COL19A1: variants seen among roughly 807,000 people sequenced by gnomAD.
COL19A1 encodes the protein collagen type XIX alpha 1 chain.
COL19A1 carries 159 observed loss-of-function variants against 190.2 expected under a neutral mutation model. The ratio of observed to expected loss-of-function variants is 0.84; its 90% CI spans 0.73 to 0.95. The LOEUF is 0.95. Ranked by LOEUF, COL19A1 falls within the 40% of genes least tolerant of loss-of-function variation. The pLI is 0.00. For synonymous variants in COL19A1, 509 were observed against 458.9 expected (o/e 1.11, Z -1.39); for missense variants, 1,418 against 1,431.9 (o/e 0.99, Z 0.16).
chr6:70,210,414 C>T lies in COL19A1; in HGVS notation c.*3140C>T, dbSNP rs568103348. The stretch of plus-strand genomic sequence containing the variant: ...TAACACAAACACAGCAAGTTTTAAC[C>T]TTTTAAACTTTTCACTTTGTGAGCA... On this transcript the variant is annotated 3_prime_UTR_variant, in exon 51 of 51. Coordinates refer to ENST00000620364, the MANE Select transcript of COL19A1 (RefSeq NM_001858.6). Among the ~76,000 whole-genome samples the T allele has an allele frequency of 1.1e-3, 160 of 152,260 alleles. No homozygotes were observed. Among genetic ancestry groups the T allele is most frequent in the Non-Finnish European group, 1.7e-3 (116 of 67,972 alleles).
At chr6:70,077,214 G>A (rs765408683) in intron 15 of COL19A1, among the ~76,000 whole-genome samples, 15 of 152,084 alleles carry the variant, frequency 9.9e-5, no homozygotes, top group East Asian at 1.9e-4. Context: ...TAATTTTATA[G>A]CACTTTTGTT....
intron 48 of COL19A1, among the ~76,000 whole-genome samples, chr6:70,190,967 T>C (rs1296579286): frequency 6.6e-6 from 1 of 152,220 alleles, no homozygotes; most frequent in Non-Finnish European, 1.5e-5. Context: ...TATTTCATGA[T>C]ATGTGAAAAT....
chr6:70,089,285 A>G (rs1251162500), intron 15 of COL19A1, among the ~76,000 whole-genome samples: 1 of 152,162 alleles, frequency 6.6e-6, no homozygotes, highest in African/African-American at 2.4e-5. Context: ...ATGATCCAAG[A>G]TAAGGGCTTT....
At chr6:69,931,992 C>G (rs1011740104) in intron 6 of COL19A1, among the ~76,000 whole-genome samples, 1 of 151,914 alleles carries the variant, frequency 6.6e-6, no homozygotes, top group East Asian at 1.9e-4. Flanking sequence ...CAAAATAATG[C>G]ATTATTTAAT....
At chr6:69,963,161 A>G (rs1339700210) in intron 11 of COL19A1, among the ~76,000 whole-genome samples, 1 of 152,204 alleles carries the variant, frequency 6.6e-6, no homozygotes, top group African/African-American at 2.4e-5. Flanking sequence ...TATATTATGA[A>G]ATCATTCACT....
chr6:70,146,967 A>G, intron 27 of COL19A1, 78 bp downstream of exon 27: 1 of 1,253,776 alleles, frequency 8.0e-7, no homozygotes, highest in Non-Finnish European at 1.1e-6. Flanking sequence ...AACAAGGAGA[A>G]AAGAATAGAA....
chr6:70,059,490 A>G (rs1213655636), intron 14 of COL19A1, among the ~76,000 whole-genome samples: 1 of 152,180 alleles, frequency 6.6e-6, no homozygotes, highest in Non-Finnish European at 1.5e-5. Flanking sequence ...AAATATTTAC[A>G]TGGGCTTCCA....
At chr6:70,166,056 C>T (rs1765132599) in intron 37 of COL19A1, 71 bp downstream of exon 37, 3 of 1,250,704 alleles carry the variant, frequency 2.4e-6, no homozygotes, top group East Asian at 4.6e-5. Flanking sequence ...AGAGGTAAGA[C>T]TACATTTAGA....
At chr6:70,181,954 G>A (rs919338457) in intron 44 of COL19A1, among the ~76,000 whole-genome samples, 4 of 152,198 alleles carry the variant, frequency 2.6e-5, no homozygotes, top group African/African-American at 7.2e-5. Flanking sequence ...GATGTAGGCA[G>A]TGGCCAGACC....
chr6:69,908,247 G>A (rs1770689243), intron 4 of COL19A1, among the ~76,000 whole-genome samples: 1 of 152,172 alleles, frequency 6.6e-6, no homozygotes, highest in South Asian at 2.1e-4. Context: ...CTTGCTGAGT[G>A]TTTTAGAAGG....
intron 41 of COL19A1, among the ~76,000 whole-genome samples, chr6:70,175,467 G>T (rs1037700142): frequency 1.3e-5 from 2 of 151,718 alleles, no homozygotes; most frequent in African/African-American, 4.8e-5. Flanking sequence ...ATTCATATGG[G>T]ATATAATGTA....
intron 37 of COL19A1, among the ~76,000 whole-genome samples, chr6:70,167,481 T>C (rs1165447590): frequency 6.6e-6 from 1 of 152,228 alleles, no homozygotes; most frequent in Non-Finnish European, 1.5e-5. Flanking sequence ...TTATTCTCTT[T>C]TATCCTAAAG....
intron 12 of COL19A1, among the ~76,000 whole-genome samples, chr6:70,033,410 C>T (rs559230388): frequency 6.6e-6 from 1 of 152,044 alleles, no homozygotes; most frequent in Non-Finnish European, 1.5e-5. Context: ...ATTGTTCTTC[C>T]TTCATCCAGT....
chr6:70,107,593 A>C (rs1178740793), intron 16 of COL19A1, among the ~76,000 whole-genome samples: 2 of 152,172 alleles, frequency 1.3e-5, no homozygotes, highest in African/African-American at 4.8e-5. Context: ...GATTGTCTTC[A>C]ATCAGTAATT....
At chr6:69,870,987 C>T (rs867895394) in intron 1 of COL19A1, among the ~76,000 whole-genome samples, 1 of 152,104 alleles carries the variant, frequency 6.6e-6, no homozygotes, top group Non-Finnish European at 1.5e-5. Context: ...AATGATGATG[C>T]CTGTAATTAA....
intron 17 of COL19A1, among the ~76,000 whole-genome samples, chr6:70,124,516 A>T (rs908300333): frequency 8.6e-5 from 13 of 151,836 alleles, no homozygotes; most frequent in African/African-American, 3.1e-4. Flanking sequence ...TAGAGTCTAA[A>T]GTTGAGAATG....
At chr6:70,040,910 A>G (rs963804002) in intron 14 of COL19A1, among the ~76,000 whole-genome samples, 2 of 152,218 alleles carry the variant, frequency 1.3e-5, no homozygotes, top group Non-Finnish European at 2.9e-5. Flanking sequence ...ACAATAAAAG[A>G]TATTGAAATT....
In COL19A1 at chr6:70,150,009, T is replaced by C; in HGVS notation, c.2001T>C (p.Asp667=). The C allele has an allele frequency of 1.9e-6, 3 of 1,613,770 alleles. No homozygotes were observed. Among genetic ancestry groups the C allele is most frequent in the South Asian group, 1.1e-5 (1 of 91,074 alleles). ...GTTTTCAGGGAGTTCCAGGGAGAGA[T>C]GGAAAGCCAGGCCTGCCAGGCCCCC... ...TPGNDGVPGR[D]GKPGLPGPPG... The change falls in exon 30 of 51, where the codon GAT becomes GAC. Residue 667 remains aspartate, a synonymous_variant. Coordinates refer to ENST00000620364, the MANE Select transcript of COL19A1 (RefSeq NM_001858.6).
chr6:69,960,623 CTTTTTTTTTTT>C (rs35552190), intron 10 of COL19A1, among the ~76,000 whole-genome samples: 1 of 109,858 alleles, frequency 9.1e-6, no homozygotes, highest in African/African-American at 3.6e-5. Flanking sequence ...TGTGCCCCCA[CTTTTTTTTTTT>C]TTTTTTTTTT....
Sources: allele counts gnomAD v4.1 joint callset (sites outside exome capture counted in the v4.1 genomes callset), GRCh38; gene constraint gnomAD v4.1.1; transcripts MANE v1.5; gene names NCBI Gene and HGNC (gene_info 2026-07-23, HGNC 2026-07-21).